The following ACYP2 variants were observed in gnomAD, a reference collection of about 807,000 sequenced individuals.
The protein encoded by ACYP2 is acylphosphatase 2.
In ACYP2, 12 loss-of-function variants were observed where a neutral mutation model predicts 11.2. The observed-to-expected ratio is 1.08, with a 90% CI of 0.69 to 1.74. The LOEUF (loss-of-function observed/expected upper bound fraction) is 1.74, where lower values mean the gene tolerates loss of function less well. ACYP2 is among the 40% of genes most tolerant of loss of function. ACYP2 has a pLI of 0.00. For missense variants in ACYP2, 134 were observed against 101.9 expected, an observed-to-expected ratio of 1.31 and a Z score of -1.35; for synonymous variants, 43 against 32.2, an observed-to-expected ratio of 1.33 and a Z score of -1.13.
chr2:54,186,849 C>T (rs1178259016), intron 6 of ACYP2, among the ~76,000 whole-genome samples: 3 of 151,848 alleles, frequency 2.0e-5, no homozygotes, highest in African/African-American at 4.8e-5. Flanking sequence ...AATTATAATT[C>T]GTGTTCAGTC....
chr2:54,271,865 TA>T (rs1255102086), intron 6 of ACYP2, among the ~76,000 whole-genome samples: 1 of 152,162 alleles, frequency 6.6e-6, no homozygotes, highest in Non-Finnish European at 1.5e-5. Context: ...TCACATAGGC[TA>T]ATAAGCAAAT....
At chr2:54,214,535 A>C (rs1685478049) in intron 6 of ACYP2, among the ~76,000 whole-genome samples, 1 of 152,210 alleles carries the variant, frequency 6.6e-6, no homozygotes, top group African/African-American at 2.4e-5. Context: ...ACTTTGTCAA[A>C]GATCAGATGG....
At chr2:54,083,123 G>C (rs1165224021) in intron 4 of ACYP2, among the ~76,000 whole-genome samples, 2 of 151,750 alleles carry the variant, frequency 1.3e-5, no homozygotes, top group African/African-American at 4.8e-5. Flanking sequence ...GAAAATTACA[G>C]AGGAAACTAG....
At chr2:54,231,352 C>T (rs1483399759) in intron 6 of ACYP2, among the ~76,000 whole-genome samples, 3 of 152,222 alleles carry the variant, frequency 2.0e-5, no homozygotes, top group South Asian at 2.1e-4. Context: ...GTCTGAGATA[C>T]ATATACAAAA....
At chr2:54,078,998 G>C (rs1677503146) in intron 4 of ACYP2, among the ~76,000 whole-genome samples, 1 of 152,224 alleles carries the variant, frequency 6.6e-6, no homozygotes, top group South Asian at 2.1e-4. Flanking sequence ...TGAATGAGTA[G>C]AGACTTTAAA....
At chr2:54,123,850 G>C (rs1000002880) in intron 4 of ACYP2, among the ~76,000 whole-genome samples, 1 of 152,138 alleles carries the variant, frequency 6.6e-6, no homozygotes, top group East Asian at 1.9e-4. Context: ...GAGCTGTCTT[G>C]AAAGTCCCAA....
intron 4 of ACYP2, among the ~76,000 whole-genome samples, chr2:54,059,395 T>G (rs1186068804): frequency 1.1e-4 from 16 of 152,004 alleles, no homozygotes; most frequent in Non-Finnish European, 1.5e-5. Context: ...ATTTTTTGTA[T>G]TTTTAGTAGA....
At chr2:54,233,895 C>G (rs889881694) in intron 6 of ACYP2, among the ~76,000 whole-genome samples, 1 of 152,176 alleles carries the variant, frequency 6.6e-6, no homozygotes, top group African/African-American at 2.4e-5. Context: ...AAGTTTAAGA[C>G]ACTTTTATAA....
chr2:54,134,515 T>C (rs960116970), intron 4 of ACYP2, among the ~76,000 whole-genome samples: 1 of 152,174 alleles, frequency 6.6e-6, no homozygotes, highest in Non-Finnish European at 1.5e-5. Context: ...CCAAGTATAC[T>C]CAACTGTACC....
intron 6 of ACYP2, among the ~76,000 whole-genome samples, chr2:54,243,646 T>C (rs751359246): frequency 4.6e-5 from 7 of 152,146 alleles, no homozygotes; most frequent in Non-Finnish European, 8.8e-5. Context: ...CTCAGCTCAC[T>C]GCAACCTCTG....
At chr2:54,021,389 A>G (rs1310086609) in intron 2 of ACYP2, among the ~76,000 whole-genome samples, 1 of 152,184 alleles carries the variant, frequency 6.6e-6, no homozygotes, top group Admixed American at 6.5e-5. Flanking sequence ...AGAACAGGGG[A>G]GCTGAACATA....
intron 2 of ACYP2, among the ~76,000 whole-genome samples, chr2:54,026,143 C>G (rs1293251360): frequency 1.3e-5 from 2 of 151,988 alleles, no homozygotes; most frequent in Admixed American, 1.3e-4. Context: ...GATAGACAAT[C>G]CACAGTGTGG....
chr2:54,161,023 C>G (rs576446684), intron 6 of ACYP2, among the ~76,000 whole-genome samples: 1 of 152,294 alleles, frequency 6.6e-6, no homozygotes, highest in African/African-American at 2.4e-5. Flanking sequence ...TACCTGGCAC[C>G]TTGTTAGAAA....
At chr2:54,254,977 C>T (rs757162814) in intron 6 of ACYP2, 13 of 1,613,974 alleles carry the variant, frequency 8.1e-6, no homozygotes, top group African/African-American at 1.3e-5. Flanking sequence ...TACCAGGCGA[C>T]GTCTAGCTCT....
intron 2 of ACYP2, among the ~76,000 whole-genome samples, chr2:53,999,585 C>T (rs1672714276): frequency 6.6e-6 from 1 of 152,132 alleles, no homozygotes; most frequent in African/African-American, 2.4e-5. Flanking sequence ...TGAAGCCCTG[C>T]ATAGGAGAGA....
In ACYP2 at chr2:54,048,481, T is replaced by C. The variant is rs1313833098; in HGVS notation, c.63-2477T>C. Among the ~76,000 whole-genome samples, 3 of 152,174 alleles carry C rather than the reference T, an allele frequency of 2.0e-5. No individual in the cohort carries two copies. In the East Asian group the frequency reaches 5.8e-4, roughly 29 times the overall value. On this transcript the variant is annotated intron_variant, in intron 2 of 6. Transcript: ENST00000607452. ...AACAGCTACATAACAAACTTACCAT[T>C]ACAGCCACTTTTTAAAAATTAAATC...
intron 2 of ACYP2, among the ~76,000 whole-genome samples, chr2:53,988,761 T>G (rs142834685): frequency 0.036 from 5,419 of 151,082 alleles, 135 homozygotes; most frequent in Non-Finnish European, 0.055. Context: ...GTTTTGTTTT[T>G]TTGAGACAGA....
At chr2:53,975,232 A>G in intron 2 of ACYP2, 1 of 398,246 alleles carries the variant, frequency 2.5e-6, no homozygotes, top group Non-Finnish European at 4.4e-6. Context: ...TCAAAAAAAA[A>G]AAAAAAAATT....
At chr2:54,255,083 G>A in intron 6 of ACYP2, 1 of 1,614,096 alleles carries the variant, frequency 6.2e-7, no homozygotes, top group Non-Finnish European at 8.5e-7. Flanking sequence ...GGAAGGCTGT[G>A]GTCTGAAAAC....
Sources: gnomAD v4.1 joint callset for allele counts (sites outside exome capture counted in the v4.1 genomes callset) on GRCh38, gnomAD v4.1.1 for gene constraint, MANE v1.5 for transcripts, NCBI Gene and HGNC (gene_info 2026-07-23, HGNC 2026-07-21) for gene names.